ISL1: variants seen among roughly 807,000 people sequenced by gnomAD.
ISL1 encodes the protein insulin gene enhancer protein ISL-1.
In ISL1, 4 loss-of-function variants were observed where a neutral mutation model predicts 35.3. That is an observed-to-expected ratio of 0.11 (90% CI 0.06 to 0.26). ISL1 has a LOEUF of 0.26. Among genes scored for constraint, ISL1 ranks in the 10% least tolerant of loss-of-function variants. The pLI is 1.00. For missense variants in ISL1, 340 were observed against 472.8 expected, an observed-to-expected ratio of 0.72 and a Z score of 2.60; for synonymous variants, 186 against 172.3, an observed-to-expected ratio of 1.08 and a Z score of -0.62.
In ISL1 at chr5:51,393,667, C is replaced by T. The variant is rs550950026; in HGVS notation, c.*57C>T. ...TGGAGAAAGTGGGAAATTATAATGT[C>T]GAACTCTGAAACAAAAGTATTTAAC... is the stretch of plus-strand genomic sequence containing the variant. On this transcript the variant is annotated 3_prime_UTR_variant, in exon 6 of 6. Transcript: ENST00000230658. 40 of 1,092,026 alleles carry T rather than the reference C, an allele frequency of 3.7e-5. 1 individual carries two copies. The highest frequency in any genetic ancestry group is 2.5e-4 in the African/African-American group (16 of 64,810). The allele number at this position is 1,092,026 out of a possible 1,614,324, so 67.6% of individuals were successfully genotyped here. A position where few individuals can be genotyped will look rare whatever the true frequency, so the allele number is the denominator to read the frequency against.
chr5:51,385,258 G>A (rs1747315964), intron 2 of ISL1, among the ~76,000 whole-genome samples: 2 of 152,058 alleles, frequency 1.3e-5, no homozygotes, highest in Admixed American at 1.3e-4. Flanking sequence ...TTATTTTTGG[G>A]GTAAGACCTC....
chr5:51,384,523 T>C lies in ISL1; in HGVS notation c.29-18T>C, dbSNP rs1350030874. On this transcript the variant is annotated intron_variant, in intron 1 of 5. Transcript: ENST00000230658. ...GGAAGTAAACGGTTAGTCAATCATG[T>C]ATTTATTTTCATTTCAGAAAAACGT... The C allele has an allele frequency of 6.2e-7, 1 of 1,611,278 alleles. No individual in the cohort carries two copies. The highest frequency in any genetic ancestry group is 1.7e-5 in the Admixed American group (1 of 60,020).
chr5:51,386,780 A>G (rs1448907801), intron 2 of ISL1, among the ~76,000 whole-genome samples: 3 of 152,244 alleles, frequency 2.0e-5, no homozygotes, highest in Non-Finnish European at 4.4e-5. Flanking sequence ...TAAAAAAATA[A>G]TAATACAAGG....
At position 51,389,421 on chromosome 5, in the gene ISL1, A is replaced by T. The variant is rs1747428134; in HGVS notation, c.479-225A>T. On this transcript the variant is annotated intron_variant, in intron 3 of 5. Transcript: ENST00000230658. The surrounding 1 kb of genome is among the most constrained non-coding windows in gnomAD (Gnocchi z 5.0). ...CAGCAAAGACCTCTGCAGATTAGAG[A>T]GGAAGATTTTATTCTCCCTTTCACC... Among the ~76,000 whole-genome samples the T allele has an allele frequency of 2.0e-5, 3 of 152,086 alleles. No homozygotes were observed. Among genetic ancestry groups the T allele is most frequent in the Admixed American group, 6.5e-5 (1 of 15,270 alleles).
In ISL1 at chr5:51,387,615, T is replaced by C. The variant is rs201797783; in HGVS notation, c.344T>C (p.Ile115Thr). The C allele has an allele frequency of 4.7e-5, 76 of 1,614,230 alleles. No individual in the cohort carries two copies. Among genetic ancestry groups the C allele is most frequent in the Non-Finnish European group, 5.4e-5 (64 of 1,180,048 alleles). Residue 115 changes from isoleucine to threonine, a missense_variant, in exon 3 of 6, where the codon ATC (isoleucine) becomes ACC (threonine). By Grantham distance (89) the Ile-to-Thr change is moderately conservative (BLOSUM62 -1). Around this residue, in one of 7 missense-constraint regions of ISL1, gnomAD observed 94 missense variants for 102.1 expected, o/e 0.92. Coordinates refer to ENST00000230658, the MANE Select transcript of ISL1 (RefSeq NM_002202.3). This position sits in a 1 kb window ranked among gnomAD's most constrained non-coding sequence, Gnocchi z 4.3. ...TGTGTGGCCTGCAGCCGCCAGCTCA[T>C]CCCTGGGGACGAATTTGCGCTTCGG... is the stretch of plus-strand genomic sequence containing the variant. ...FRCVACSRQL[I>T]PGDEFALRED...
intron 5 of ISL1, among the ~76,000 whole-genome samples, chr5:51,392,782 C>T (rs1039765616): frequency 2.6e-5 from 4 of 151,970 alleles, no homozygotes; most frequent in Non-Finnish European, 1.5e-5. Context: ...CAGGAGTGGG[C>T]ATAGTTAGAG....
intron 5 of ISL1, among the ~76,000 whole-genome samples, chr5:51,391,675 A>G (rs1157176315): frequency 6.6e-6 from 1 of 151,926 alleles, no homozygotes. Flanking sequence ...TGAATTTTCT[A>G]TCAATCAGGC....
At position 51,393,589 on chromosome 5, in the gene ISL1, A is replaced by T. The variant is rs745592537; in HGVS notation, c.1029A>T (p.Val343=). The change falls in exon 6 of 6, where the codon GTA becomes GTT. Residue 343 remains valine, a synonymous_variant. Transcript: ENST00000230658. ...TTCCAGATACACCTAACAGCATGGT[A>T]GCCAGTCCTATTGAGGCATGAGGAA... ...SQLPDTPNSM[V]ASPIEA is the part of the protein sequence containing the mutation. The T allele has an allele frequency of 3.1e-6, 5 of 1,605,484 alleles. No individual in the cohort carries two copies. In the African/African-American group the frequency reaches 6.7e-5, roughly 21 times the overall value.
intron 4 of ISL1, among the ~76,000 whole-genome samples, chr5:51,390,814 T>TTGGGGGGATGGAG (rs1422685005): frequency 2.0e-5 from 3 of 150,992 alleles, no homozygotes; most frequent in African/African-American, 7.3e-5. Context: ...CCCAAATGCT[T>TTGGGGGGATGGAG]TGGGGGGATG....
In ISL1 at chr5:51,393,959, A is replaced by G. The variant is rs1246893100; in HGVS notation, c.*349A>G. ...TTCATTTCACTGCACATCTAGAGAA[A>G]AACAAAAATAGAAAATTTTCTAGTC... On this transcript the variant is annotated 3_prime_UTR_variant, in exon 6 of 6. Coordinates refer to ENST00000230658, the MANE Select transcript of ISL1 (RefSeq NM_002202.3). The G allele has an allele frequency of 2.2e-5, 7 of 313,704 alleles. No homozygotes were observed. Among genetic ancestry groups the G allele is most frequent in the Middle Eastern group, 1.1e-3 (1 of 888 alleles). 19.4% of individuals were successfully genotyped at this position (313,704 alleles called of 1,614,324 possible).
Position 51,389,559 on chromosome 5 carries a change from A to G in ISL1, c.479-87A>G, listed in dbSNP as rs1486016817. On this transcript the variant is annotated intron_variant, in intron 3 of 5. Coordinates refer to ENST00000230658, the MANE Select transcript of ISL1 (RefSeq NM_002202.3). The surrounding 1 kb of genome is among the most constrained non-coding windows in gnomAD (Gnocchi z 5.0). The stretch of plus-strand genomic sequence containing the variant: ...CAAGTAAGCGGGCGGGCGGGCGGGC[A>G]AGCGAGCGAGCGAGCGAGCGCGCGA... 27 of 1,244,514 alleles carry G rather than the reference A, an allele frequency of 2.2e-5. No individual in the cohort carries two copies. In the South Asian group the frequency reaches 2.2e-4, roughly 10 times the overall value. The allele number at this position is 1,244,514 out of a possible 1,614,324, so 77.1% of individuals were successfully genotyped here. A position where few individuals can be genotyped will look rare whatever the true frequency, so the allele number is the denominator to read the frequency against.
rs1179478440 is a variant in ISL1, at chr5:51,387,566, G to A, written c.295G>A (p.Val99Met). The A allele has an allele frequency of 6.2e-7, 1 of 1,614,246 alleles. No homozygotes were observed. The highest frequency in any genetic ancestry group is 1.1e-5 in the South Asian group (1 of 91,086). ...NDFVMRARSKVYHIECFRCVA... is the reference protein window; with the variant it reads ...NDFVMRARSKMYHIECFRCVA... ...CTTCGTGATGCGTGCCCGCTCCAAGGTGTATCACATCGAGTGTTTCCGCTG... is the reference window on the plus strand; with the variant it reads ...CTTCGTGATGCGTGCCCGCTCCAAGATGTATCACATCGAGTGTTTCCGCTG... Residue 99 changes from valine (V) to methionine (M), a missense_variant, in exon 3 of 6, where the codon GTG becomes ATG. By Grantham distance (21) the Val-to-Met change is conservative. This residue lies in a region of ISL1 where 70 missense variants were observed against 130.3 expected (regional missense o/e 0.54). Coordinates refer to ENST00000230658, the MANE Select transcript of ISL1 (RefSeq NM_002202.3). The surrounding 1 kb of genome is among the most constrained non-coding windows in gnomAD (Gnocchi z 4.3).
In ISL1 at chr5:51,387,470, C is replaced by T. The variant is rs749994942; in HGVS notation, c.219-20C>T. The T allele has an allele frequency of 6.2e-7, 1 of 1,613,496 alleles. No individual in the cohort carries two copies. Among genetic ancestry groups the T allele is most frequent in the Non-Finnish European group, 8.5e-7 (1 of 1,179,738 alleles). On this transcript the variant is annotated intron_variant, in intron 2 of 5. Coordinates refer to ENST00000230658, the MANE Select transcript of ISL1 (RefSeq NM_002202.3). This position sits in a 1 kb window ranked among gnomAD's most constrained non-coding sequence, Gnocchi z 4.3. ...CTCTCCCCGCTCTGGGCCGCCTCCG[C>T]TCCCCCCTCCCCCGCACAGGTTGTA...
At chr5:51,385,883 C>T (rs911091339) in intron 2 of ISL1, among the ~76,000 whole-genome samples, 2 of 152,158 alleles carry the variant, frequency 1.3e-5, no homozygotes, top group African/African-American at 2.4e-5. Flanking sequence ...ATTTAATATA[C>T]AGTCACAGTT....
chr5:51,390,324 A>G (rs1198564055), intron 4 of ISL1, among the ~76,000 whole-genome samples: 2 of 152,214 alleles, frequency 1.3e-5, no homozygotes, highest in African/African-American at 2.4e-5. Flanking sequence ...GTACACAAGA[A>G]GAGGGAGGGA....
At chr5:51,385,326 T>C (rs1286923024) in intron 2 of ISL1, among the ~76,000 whole-genome samples, 2 of 152,204 alleles carry the variant, frequency 1.3e-5, no homozygotes, top group African/African-American at 4.8e-5. Context: ...ACCGGAAACT[T>C]AATCTTTTTA....
chr5:51,393,762 A>G lies in ISL1; in HGVS notation c.*152A>G. On this transcript the variant is annotated 3_prime_UTR_variant, in exon 6 of 6. Coordinates refer to ENST00000230658, the MANE Select transcript of ISL1 (RefSeq NM_002202.3). ...AATGCACGAAGTCTGTTTTAATGAC[A>G]AGGTGATATGGTAGCAACACTGTGA... 1.4e-6 allele frequency: 1 copy of G among 692,456 alleles called. No individual in the cohort carries two copies. 42.9% of individuals were successfully genotyped at this position (692,456 alleles called of 1,614,324 possible).
At position 51,393,717 on chromosome 5, in the gene ISL1, A is replaced by T; in HGVS notation, c.*107A>T. The T allele has an allele frequency of 1.3e-6, 1 of 790,598 alleles. No homozygotes were observed. Among genetic ancestry groups the T allele is most frequent in the South Asian group, 1.4e-5 (1 of 73,404 alleles). 49.0% of individuals were successfully genotyped at this position (790,598 alleles called of 1,614,324 possible). ...CGACCCAGTCAATGAAAACTGAATC[A>T]AGAAATGAATGCTCCATGAAATGCA... On this transcript the variant is annotated 3_prime_UTR_variant, in exon 6 of 6. Coordinates refer to ENST00000230658, the MANE Select transcript of ISL1 (RefSeq NM_002202.3).
rs1747260784 is a variant in ISL1 at position 51,383,465 on chromosome 5, A to C, written c.-207A>C. The C allele has an allele frequency of 1.6e-6, 1 of 620,974 alleles. No homozygotes were observed. Among genetic ancestry groups the C allele is most frequent in the Admixed American group, 2.8e-5 (1 of 36,234 alleles). The allele number at this position is 620,974 out of a possible 1,614,324, so 38.5% of individuals were successfully genotyped here. ...GCCGCGCCGAGTCTGCCGCCGCCGC[A>C]GCGCCTCCGCTCCGCCAACTCCGCC... On this transcript the variant is annotated 5_prime_UTR_variant, in exon 1 of 6. Transcript: ENST00000230658.
Sources: allele counts gnomAD v4.1 joint callset (sites outside exome capture counted in the v4.1 genomes callset), GRCh38; gene constraint gnomAD v4.1.1; regional missense constraint gnomAD v4.1.1; non-coding constraint Gnocchi (gnomAD v3.1); transcripts MANE v1.5; gene names NCBI Gene and HGNC (gene_info 2026-07-23, HGNC 2026-07-21).